MYRIP: variants seen among roughly 807,000 people sequenced by gnomAD.
MYRIP encodes rab effector MyRIP.
In MYRIP, 49 loss-of-function variants were observed where a neutral mutation model predicts 98.0. That is an observed-to-expected ratio of 0.50 (90% CI 0.40 to 0.63). The LOEUF is 0.63. Among genes scored for constraint, MYRIP ranks in the 30% least tolerant of loss-of-function variants. The pLI is 0.00. For missense variants in MYRIP, 1,004 were observed against 1,058.2 expected, an observed-to-expected ratio of 0.95 and a Z score of 0.71; for synonymous variants, 404 against 409.5, an observed-to-expected ratio of 0.99 and a Z score of 0.16.
intron 2 of MYRIP, among the ~76,000 whole-genome samples, chr3:39,994,856 T>A (rs978759122): frequency 6.6e-6 from 1 of 152,110 alleles, no homozygotes; most frequent in Non-Finnish European, 1.5e-5. Context: ...GAGGAACAAT[T>A]AGGCAGCAAC....
At chr3:40,205,421 G>C (rs1294069534) in intron 10 of MYRIP, among the ~76,000 whole-genome samples, 1 of 152,080 alleles carries the variant, frequency 6.6e-6, no homozygotes, top group African/African-American at 2.4e-5. Flanking sequence ...GAGGACACAA[G>C]GGAATGCAGT....
intron 9 of MYRIP, among the ~76,000 whole-genome samples, chr3:40,189,053 T>C (rs2679796): frequency 0.9 from 137,729 of 152,272 alleles, 62,430 homozygotes; most frequent in Non-Finnish European, 0.93. Flanking sequence ...GCTCCAGCTG[T>C]CCTTGCATGG....
At chr3:40,256,607 T>C (rs980229885) in intron 16 of MYRIP, among the ~76,000 whole-genome samples, 31 of 152,094 alleles carry the variant, frequency 2.0e-4, no homozygotes, top group African/African-American at 6.3e-4. Context: ...ATTTTTTATA[T>C]ATACAATGTG....
intron 3 of MYRIP, among the ~76,000 whole-genome samples, chr3:40,129,233 T>C (rs1321483285): frequency 6.6e-6 from 1 of 151,198 alleles, no homozygotes; most frequent in Non-Finnish European, 1.5e-5. Flanking sequence ...GCTCAGGAGT[T>C]CAAGACTAGC....
chr3:40,200,628 G>A (rs533281128), intron 10 of MYRIP, among the ~76,000 whole-genome samples: 1 of 152,284 alleles, frequency 6.6e-6, no homozygotes, highest in East Asian at 1.9e-4. Flanking sequence ...GCTTTTACTT[G>A]TATGTAGCAA....
intron 1 of MYRIP, among the ~76,000 whole-genome samples, chr3:39,872,474 C>T (rs904096439): frequency 1.8e-4 from 27 of 150,602 alleles, no homozygotes; most frequent in Non-Finnish European, 1.0e-4. Context: ...TCTCCTAATG[C>T]TATCCCTCCC....
chr3:40,246,373 GA>G (rs1174582988), intron 13 of MYRIP, among the ~76,000 whole-genome samples: 2 of 152,036 alleles, frequency 1.3e-5, no homozygotes, highest in African/African-American at 4.8e-5. Flanking sequence ...CATTGCACAT[GA>G]AAAGGAGGGG....
At chr3:39,915,417 A>C (rs1467977637) in intron 2 of MYRIP, among the ~76,000 whole-genome samples, 1 of 152,002 alleles carries the variant, frequency 6.6e-6, no homozygotes, top group Non-Finnish European at 1.5e-5. Flanking sequence ...TCACTCAAAA[A>C]ATTATACATC....
At chr3:40,233,516 G>A (rs150428433) in intron 11 of MYRIP, among the ~76,000 whole-genome samples, 2 of 152,292 alleles carry the variant, frequency 1.3e-5, no homozygotes, top group Non-Finnish European at 2.9e-5. Context: ...AAGTTTTGCT[G>A]ATGAAGTAGA....
chr3:39,842,755 C>CCG (rs566574896), intron 1 of MYRIP, among the ~76,000 whole-genome samples: 3 of 151,522 alleles, frequency 2.0e-5, no homozygotes, highest in African/African-American at 7.3e-5. Flanking sequence ...AGGTGATTAC[C>CCG]CCCCCTGCTT....
chr3:40,234,786 G>A (rs1952778373), intron 12 of MYRIP, among the ~76,000 whole-genome samples: 1 of 152,042 alleles, frequency 6.6e-6, no homozygotes, highest in South Asian at 2.1e-4. Context: ...CTTGAGGTCG[G>A]GAGTTTGAGA....
intron 2 of MYRIP, among the ~76,000 whole-genome samples, chr3:40,025,142 G>T (rs1947093649): frequency 6.6e-6 from 1 of 152,146 alleles, no homozygotes; most frequent in Non-Finnish European, 1.5e-5. Flanking sequence ...GGCTAGTGAG[G>T]TTCCTGTAGC....
intron 2 of MYRIP, among the ~76,000 whole-genome samples, chr3:39,929,409 A>G (rs1944490392): frequency 6.6e-6 from 1 of 152,062 alleles, no homozygotes; most frequent in South Asian, 2.1e-4. Flanking sequence ...CGAGAAATAA[A>G]GGAATTAGAT....
At chr3:40,210,174 A>G in intron 11 of MYRIP, 81 bp downstream of exon 11, 1 of 1,497,274 alleles carries the variant, frequency 6.7e-7, no homozygotes, top group South Asian at 1.4e-5. Context: ...TGGTGCAGAA[A>G]GCTGCTGGGT....
Position 40,090,406 on chromosome 3 carries a change from T to A in MYRIP, c.332+46135T>A, listed in dbSNP as rs142637204. 1.2e-3 allele frequency among the ~76,000 whole-genome samples: 175 copies of A among 152,056 alleles called. 1 individual carries two copies. The highest frequency in any genetic ancestry group is 3.7e-3 in the African/African-American group (153 of 41,472). On this transcript the variant is annotated intron_variant, in intron 3 of 16. Transcript: ENST00000302541. ...GGGAAAAGAGGAAAGGAAGGGGCAGTGGGGGAGTTTGTCTTTGCATATGAC... is the reference window on the plus strand; with the variant it reads ...GGGAAAAGAGGAAAGGAAGGGGCAGAGGGGGAGTTTGTCTTTGCATATGAC...
At position 40,007,133 on chromosome 3, in the gene MYRIP, G is replaced by A. The variant is rs185786787; in HGVS notation, c.111-36917G>A. ...GTCTTTGGAGAAGTAACTTATATTG[G>A]TTTAGTCATCAGTGTCACTTGAAGA... On this transcript the variant is annotated intron_variant, in intron 2 of 16. Coordinates refer to ENST00000302541, the MANE Select transcript of MYRIP (RefSeq NM_015460.4). Among the ~76,000 whole-genome samples, 19 of 152,268 alleles carry A rather than the reference G, an allele frequency of 1.2e-4. No homozygotes were observed. In the East Asian group the frequency reaches 2.9e-3, roughly 23 times the overall value.
In MYRIP at chr3:40,190,213, T is replaced by G; in HGVS notation, c.1415T>G (p.Leu472Arg). 1 of 1,614,064 alleles carries G rather than the reference T, an allele frequency of 6.2e-7. No homozygotes were observed. Among genetic ancestry groups the G allele is most frequent in the South Asian group, 1.1e-5 (1 of 91,074 alleles). The part of the protein sequence containing the change: ...SSREVGHQAR[L>R]SWLQRKAPRN... ...CGAGAAGTTGGGCACCAGGCCAGACTGTCCTGGTTGCAGAGGAAGGCCCCC... is the reference window on the plus strand; with the variant it reads ...CGAGAAGTTGGGCACCAGGCCAGACGGTCCTGGTTGCAGAGGAAGGCCCCC... The change falls in exon 10 of 17, where the codon CTG becomes CGG. Residue 472 changes from leucine to arginine, a missense_variant. By Grantham distance (102) the Leu-to-Arg change is moderately radical (BLOSUM62 -2). Coordinates refer to ENST00000302541, the MANE Select transcript of MYRIP (RefSeq NM_015460.4).
intron 3 of MYRIP, among the ~76,000 whole-genome samples, chr3:40,090,206 G>A (rs757856237): frequency 2.0e-4 from 31 of 152,120 alleles, no homozygotes; most frequent in Non-Finnish European, 4.3e-4. Flanking sequence ...CATCTGTGAA[G>A]ATTATGATGA....
At chr3:40,255,796 A>C (rs1559479923) in intron 16 of MYRIP, among the ~76,000 whole-genome samples, 1 of 152,230 alleles carries the variant, frequency 6.6e-6, no homozygotes, top group African/African-American at 2.4e-5. Flanking sequence ...AAATTAGAGA[A>C]TAGTGTAACT....
Sources: gnomAD v4.1 joint callset for allele counts (sites outside exome capture counted in the v4.1 genomes callset) on GRCh38, gnomAD v4.1.1 for gene constraint, MANE v1.5 for transcripts, NCBI Gene and HGNC (gene_info 2026-07-23, HGNC 2026-07-21) for gene names.